The following IRGM variants were observed in gnomAD, a reference collection of about 807,000 sequenced individuals.
The protein encoded by IRGM is immunity related GTPase M.
For synonymous variants in IRGM, 98 were observed against 80.6 expected, an observed-to-expected ratio of 1.22 and a Z score of -1.16; for missense variants, 288 against 219.9, an observed-to-expected ratio of 1.31 and a Z score of -1.96.
At chr5:150,898,677 T>C (rs1754886689) in intron 3 of IRGM, 1 of 1,180,462 alleles carries the variant, frequency 8.5e-7, no homozygotes, top group African/African-American at 1.6e-5. Context: ...AATAAAATCC[T>C]GTTTTTAGCA....
At chr5:150,878,693 G>A (rs1324231662) in intron 2 of IRGM, among the ~76,000 whole-genome samples, 1 of 151,848 alleles carries the variant, frequency 6.6e-6, no homozygotes, top group African/African-American at 2.4e-5. Context: ...ATCCAAATAT[G>A]TATATTTATT....
At chr5:150,862,496 T>C (rs906098776) in intron 1 of IRGM, among the ~76,000 whole-genome samples, 1 of 152,198 alleles carries the variant, frequency 6.6e-6, no homozygotes, top group Non-Finnish European at 1.5e-5. Context: ...ATTTCAGACC[T>C]GACCATATGA....
rs1753927373 is a variant in IRGM, at chr5:150,848,699, C to T, written c.*30C>T. On this transcript the variant is annotated 3_prime_UTR_variant, in exon 2 of 2. Transcript: ENST00000522154. Reference sequence around the variant, plus strand: ...TGTCTTCATTAAACATTTTCCATCTCCTCCTATTGATTCCTTTTCTCCTTT... The same window carrying T: ...TGTCTTCATTAAACATTTTCCATCTTCTCCTATTGATTCCTTTTCTCCTTT... 2.1e-6 allele frequency: 3 copies of T among 1,408,002 alleles called. No homozygotes were observed. The highest frequency in any genetic ancestry group is 2.9e-6 in the Non-Finnish European group (3 of 1,041,292). The allele number at this position is 1,408,002 out of a possible 1,614,324, so 87.2% of individuals were successfully genotyped here.
chr5:150,900,144 G>C (rs1754943456), intron 3 of IRGM, among the ~76,000 whole-genome samples: 1 of 152,060 alleles, frequency 6.6e-6, no homozygotes, highest in Non-Finnish European at 1.5e-5. Flanking sequence ...CTAAATATAT[G>C]ATTGATGAAC....
chr5:150,880,636 T>A (rs1754430575), intron 3 of IRGM, among the ~76,000 whole-genome samples: 1 of 152,178 alleles, frequency 6.6e-6, no homozygotes, highest in Non-Finnish European at 1.5e-5. Context: ...GGAACCCGCT[T>A]TTAAGTTGTC....
At chr5:150,857,178 G>A (rs1167631323) in intron 1 of IRGM, among the ~76,000 whole-genome samples, 5 of 151,794 alleles carry the variant, frequency 3.3e-5, no homozygotes, top group Non-Finnish European at 7.4e-5. Context: ...GAGAACATGT[G>A]GTGTTTGGTT....
intron 1 of IRGM, among the ~76,000 whole-genome samples, chr5:150,875,879 C>T (rs1754355387): frequency 6.6e-6 from 1 of 152,158 alleles, no homozygotes; most frequent in South Asian, 2.1e-4. Context: ...ATGGAAAGGA[C>T]AGCAATTTGT....
At chr5:150,849,158 CT>C (rs371352840), downstream of IRGM, among the ~76,000 whole-genome samples, 869 of 152,204 alleles carry the variant, frequency 5.7e-3, 9 homozygotes, top group African/African-American at 0.02. Context: ...ATAATAAAGA[CT>C]TCTGGGCTTA....
chr5:150,861,567 G>A (rs1404825026), intron 1 of IRGM, among the ~76,000 whole-genome samples: 1 of 152,148 alleles, frequency 6.6e-6, no homozygotes, highest in Non-Finnish European at 1.5e-5. Flanking sequence ...CTTTCCAAAT[G>A]GGCATGTTTG....
chr5:150,871,417 C>T (rs563546422), intron 1 of IRGM, among the ~76,000 whole-genome samples: 1 of 152,146 alleles, frequency 6.6e-6, no homozygotes, highest in African/African-American at 2.4e-5. Flanking sequence ...TTTCCTAGGA[C>T]GTTGTCCTTT....
At chr5:150,871,561 T>C (rs976208787) in intron 1 of IRGM, among the ~76,000 whole-genome samples, 1 of 152,136 alleles carries the variant, frequency 6.6e-6, no homozygotes, top group Non-Finnish European at 1.5e-5. Context: ...CTGGGTGGGG[T>C]TCCTTAAAGA....
chr5:150,864,593 G>A (rs964681133), intron 1 of IRGM, among the ~76,000 whole-genome samples: 1 of 152,194 alleles, frequency 6.6e-6, no homozygotes, highest in Non-Finnish European at 1.5e-5. Flanking sequence ...GCACACCCTG[G>A]AATGGTAGGC....
chr5:150,863,390 G>A (rs1754163149), intron 1 of IRGM, among the ~76,000 whole-genome samples: 1 of 152,112 alleles, frequency 6.6e-6, no homozygotes, highest in African/African-American at 2.4e-5. Context: ...CAAGTTCAGT[G>A]GAAATGTTCT....
chr5:150,874,555 A>G (rs1394146374), intron 1 of IRGM, among the ~76,000 whole-genome samples: 2 of 152,314 alleles, frequency 1.3e-5, no homozygotes, highest in East Asian at 3.9e-4. Flanking sequence ...TGAAGACAAC[A>G]TATTCCTCAT....
chr5:150,847,141 G>A lies in IRGM; in HGVS notation c.-495G>A, dbSNP rs932379380. The A allele has an allele frequency of 6.6e-6, 1 of 152,330 alleles. No homozygotes were observed. Among genetic ancestry groups the A allele is most frequent in the Non-Finnish European group, 1.5e-5 (1 of 68,072 alleles). The allele number at this position is 152,330 out of a possible 1,614,324, so 9.4% of individuals were successfully genotyped here. A position where few individuals can be genotyped will look rare whatever the true frequency, so the allele number is the denominator to read the frequency against. On this transcript the variant is annotated 5_prime_UTR_variant, in exon 1 of 2. Coordinates refer to ENST00000522154, the MANE Select transcript of IRGM (RefSeq NM_001145805.2). ...ATGACAGTCTTAATGGAAGCTCGGGGGTCAAAGGCTGGTGGCTTACTTCAC... is the reference window on the plus strand; with the variant it reads ...ATGACAGTCTTAATGGAAGCTCGGGAGTCAAAGGCTGGTGGCTTACTTCAC...
chr5:150,879,087 A>T (rs1754407933), intron 2 of IRGM, among the ~76,000 whole-genome samples: 1 of 152,206 alleles, frequency 6.6e-6, no homozygotes, highest in Non-Finnish European at 1.5e-5. Context: ...CTGCATAAAA[A>T]TGTTCATATC....
intron 3 of IRGM, among the ~76,000 whole-genome samples, chr5:150,884,938 C>G (rs1581652169): frequency 6.6e-6 from 1 of 151,920 alleles, no homozygotes; most frequent in East Asian, 1.9e-4. Context: ...CATTTGTCAA[C>G]TGTCACGTTT....
chr5:150,898,230 G>A, intron 3 of IRGM: 3 of 1,606,506 alleles, frequency 1.9e-6, no homozygotes, highest in Non-Finnish European at 2.5e-6. Flanking sequence ...TGCACTGAAG[G>A]AAAAAGAGAA....
intron 3 of IRGM, chr5:150,896,921 GGAAACTGTCCCCAA>G: frequency 6.2e-7 from 1 of 1,613,256 alleles, no homozygotes; most frequent in Non-Finnish European, 8.5e-7. Context: ...TATGATGGAA[GGAAACTGTCCCCAA>G]AATACATGAC....
Sources: gnomAD v4.1 joint callset for allele counts (sites outside exome capture counted in the v4.1 genomes callset) on GRCh38, gnomAD v4.1.1 for gene constraint, MANE v1.5 for transcripts, NCBI Gene and HGNC (gene_info 2026-07-23, HGNC 2026-07-21) for gene names.